Variants in METTL25 observed in about 807,000 individuals in gnomAD.
The protein encoded by METTL25 is methyltransferase like 25.
METTL25 carries 64 observed loss-of-function variants against 71.6 expected under a neutral mutation model. The observed-to-expected ratio is 0.89, with a 90% CI of 0.73 to 1.10. The LOEUF is 1.10. Among genes scored for constraint, METTL25 ranks in the 50% least tolerant of loss-of-function variants. The probability of loss-of-function intolerance (pLI) is 0.00; values close to 1 mark genes in which losing one functional copy is unlikely to be tolerated. For synonymous variants in METTL25, 287 were observed against 250.3 expected (o/e 1.15, Z -1.38); for missense variants, 807 against 707.0 (o/e 1.14, Z -1.60).
At chr12:82,455,483 C>T (rs1891426863) in intron 8 of METTL25, among the ~76,000 whole-genome samples, 1 of 151,824 alleles carries the variant, frequency 6.6e-6, no homozygotes, top group Admixed American at 6.6e-5. Flanking sequence ...ATCGTAGGGG[C>T]TATAGAAATT....
intron 5 of METTL25, among the ~76,000 whole-genome samples, chr12:82,421,335 A>G (rs986628277): frequency 6.6e-6 from 1 of 152,160 alleles, no homozygotes; most frequent in Admixed American, 6.6e-5. Flanking sequence ...GGAGATAAAT[A>G]AACAGGAATT....
rs527836128 is a variant in METTL25, at chr12:82,420,200, G to A, written c.1280-10693G>A. 4.6e-5 allele frequency among the ~76,000 whole-genome samples: 7 copies of A among 152,112 alleles called. No individual in the cohort carries two copies. In the South Asian group the frequency reaches 6.2e-4, roughly 14 times the overall value. On this transcript the variant is annotated intron_variant, in intron 5 of 11. Transcript: ENST00000248306. ...CAGGGGCTGGGTGGGAGAGAAATAG[G>A]GAAGTATTAGTCAAAGGGTACAAAG...
chr12:82,442,349 A>T (rs1890413563), intron 8 of METTL25, among the ~76,000 whole-genome samples: 1 of 152,178 alleles, frequency 6.6e-6, no homozygotes, highest in Admixed American at 6.6e-5. Context: ...TCAGTGAGTG[A>T]GTATTTAAGC....
chr12:82,400,298 C>T (rs964862595), intron 4 of METTL25, among the ~76,000 whole-genome samples: 1 of 151,448 alleles, frequency 6.6e-6, no homozygotes, highest in Non-Finnish European at 1.5e-5. Flanking sequence ...CACCACTGCA[C>T]TCTAGCCTGG....
intron 1 of METTL25, among the ~76,000 whole-genome samples, chr12:82,372,140 T>C (rs555159737): frequency 6.6e-6 from 1 of 152,326 alleles, no homozygotes; most frequent in South Asian, 2.1e-4. Flanking sequence ...CAAGTAAGAC[T>C]AAAGGTTTGC....
chr12:82,382,655 T>C (rs944106593), intron 1 of METTL25, among the ~76,000 whole-genome samples: 2 of 152,244 alleles, frequency 1.3e-5, no homozygotes, highest in Non-Finnish European at 2.9e-5. Flanking sequence ...AATAAGATTT[T>C]ACAAAGATAT....
At chr12:82,455,289 A>G (rs1891413270) in intron 8 of METTL25, among the ~76,000 whole-genome samples, 1 of 151,878 alleles carries the variant, frequency 6.6e-6, no homozygotes, top group Admixed American at 6.6e-5. Flanking sequence ...TATCTATTAT[A>G]TGGTATCTGT....
chr12:82,399,388 T>C lies in METTL25; in HGVS notation c.1125T>C (p.Asp375=). The C allele has an allele frequency of 5.1e-6, 8 of 1,564,976 alleles. No individual in the cohort carries two copies. Among genetic ancestry groups the C allele is most frequent in the Non-Finnish European group, 6.9e-6 (8 of 1,161,434 alleles). ...ADSELHDIIK[D]LEDCLMVGLH... ...CAGAACTCCATGACATTATTAAAGA[T>C]TTGGAGGTGACTTTACCTTTGAATT... Residue 375 remains aspartate (D), a synonymous_variant, in exon 4 of 12, where the codon GAT becomes GAC. Coordinates refer to ENST00000248306, the MANE Select transcript of METTL25 (RefSeq NM_032230.3).
At chr12:82,435,781 T>G (rs1287041814) in intron 7 of METTL25, among the ~76,000 whole-genome samples, 1 of 151,488 alleles carries the variant, frequency 6.6e-6, no homozygotes, top group East Asian at 1.9e-4. Flanking sequence ...ACATAGTAAT[T>G]GCTCAATAAA....
chr12:82,414,472 G>A (rs1419722934), intron 5 of METTL25, among the ~76,000 whole-genome samples: 2 of 152,028 alleles, frequency 1.3e-5, no homozygotes, highest in African/African-American at 2.4e-5. Context: ...TTTGCACCTC[G>A]TTATTTTTTG....
intron 1 of METTL25, among the ~76,000 whole-genome samples, chr12:82,381,273 AT>A (rs1420152950): frequency 1.3e-5 from 2 of 152,198 alleles, no homozygotes; most frequent in East Asian, 3.9e-4. Flanking sequence ...TAGAGTTAAA[AT>A]ACTGTGGTTA....
In METTL25 at chr12:82,399,212, C is replaced by G. The variant is rs1019776932; in HGVS notation, c.949C>G (p.Leu317Val). Residue 317 changes from leucine to valine, a missense_variant, in exon 4 of 12, where the codon CTT (leucine) becomes GTT (valine). Coordinates refer to ENST00000248306, the MANE Select transcript of METTL25 (RefSeq NM_032230.3). Reference sequence around the variant, plus strand: ...TGAAAATTCCTTTTCTCTTATAAACCTTTTGCCTATTAATGCTGTAGAGCC... The same window carrying G: ...TGAAAATTCCTTTTCTCTTATAAACGTTTTGCCTATTAATGCTGTAGAGCC... ...CFENSFSLIN[L>V]LPINAVEPTS... 6.2e-7 allele frequency: 1 copy of G among 1,613,164 alleles called. No individual in the cohort carries two copies. The highest frequency in any genetic ancestry group is 1.3e-5 in the African/African-American group (1 of 74,820).
At chr12:82,372,123 G>A (rs941543454) in intron 1 of METTL25, among the ~76,000 whole-genome samples, 9 of 152,168 alleles carry the variant, frequency 5.9e-5, no homozygotes, top group South Asian at 2.1e-4. Flanking sequence ...ATAGCATGAT[G>A]TCTCTCCAAG....
intron 1 of METTL25, among the ~76,000 whole-genome samples, chr12:82,379,344 C>T (rs147089059): frequency 2.4e-4 from 37 of 152,296 alleles, no homozygotes; most frequent in African/African-American, 8.2e-4. Flanking sequence ...GTATACTTTA[C>T]ATCACTTTTT....
At chr12:82,400,595 T>C (rs1305527674) in intron 4 of METTL25, among the ~76,000 whole-genome samples, 4 of 110,248 alleles carry the variant, frequency 3.6e-5, no homozygotes, top group Non-Finnish European at 8.0e-5. Context: ...AACTTAAATG[T>C]AAATTTCTAG....
At chr12:82,373,122 A>C (rs770829850) in intron 1 of METTL25, among the ~76,000 whole-genome samples, 10 of 152,190 alleles carry the variant, frequency 6.6e-5, no homozygotes, top group Admixed American at 3.9e-4. Context: ...AAAACCTGTT[A>C]GAGTCCTAAG....
chr12:82,416,523 A>T (rs1888001396), intron 5 of METTL25, among the ~76,000 whole-genome samples: 1 of 145,008 alleles, frequency 6.9e-6, no homozygotes, highest in South Asian at 2.2e-4. Flanking sequence ...GGTTCACTGT[A>T]GCCTCGACCT....
chr12:82,430,871 C>A (rs779853398), intron 5 of METTL25, 22 bp from the exon 6 acceptor site: 2 of 1,218,078 alleles, frequency 1.6e-6, no homozygotes, highest in Non-Finnish European at 1.2e-6. Context: ...TTAAATAATC[C>A]GTATTTTTCC....
At chr12:82,407,112 A>G (rs1468046820) in intron 5 of METTL25, among the ~76,000 whole-genome samples, 1 of 152,140 alleles carries the variant, frequency 6.6e-6, no homozygotes, top group Non-Finnish European at 1.5e-5. Flanking sequence ...TTACTCCATA[A>G]TCTGTTTTCC....
Sources: gnomAD v4.1 joint callset for allele counts (sites outside exome capture counted in the v4.1 genomes callset) on GRCh38, gnomAD v4.1.1 for gene constraint, MANE v1.5 for transcripts, NCBI Gene and HGNC (gene_info 2026-07-23, HGNC 2026-07-21) for gene names.